Variants in SNTG2 observed in about 807,000 individuals in gnomAD.
SNTG2 encodes the protein gamma-2-syntrophin.
A neutral mutation model predicts 70.9 loss-of-function variants in SNTG2; 74 were observed. That is an observed-to-expected ratio of 1.04 (90% CI 0.86 to 1.27). SNTG2 has a LOEUF of 1.27. SNTG2 is among the 50% of genes most tolerant of loss of function. SNTG2 has a pLI of 0.00. For synonymous variants in SNTG2, 278 were observed against 273.8 expected, an observed-to-expected ratio of 1.02 and a Z score of -0.15; for missense variants, 717 against 690.7, an observed-to-expected ratio of 1.04 and a Z score of -0.43.
At chr2:1,153,649 C>A (rs974644888) in intron 6 of SNTG2, among the ~76,000 whole-genome samples, 6 of 152,144 alleles carry the variant, frequency 3.9e-5, no homozygotes, top group Non-Finnish European at 8.8e-5. Context: ...TATTCCCTGG[C>A]AATAACTTGT....
At chr2:1,349,610 G>A (rs140735617) in intron 16 of SNTG2, among the ~76,000 whole-genome samples, 2 of 152,210 alleles carry the variant, frequency 1.3e-5, no homozygotes, top group Non-Finnish European at 2.9e-5. Context: ...CATGAACAAG[G>A]CCATCAGCTT....
chr2:964,026 G>A (rs750272824), intron 1 of SNTG2, among the ~76,000 whole-genome samples: 2 of 152,084 alleles, frequency 1.3e-5, no homozygotes, highest in African/African-American at 2.4e-5. Context: ...AGCGATCCAC[G>A]CAGTCACAGT....
intron 12 of SNTG2, among the ~76,000 whole-genome samples, chr2:1,251,939 G>A (rs1222676718): frequency 1.3e-5 from 2 of 152,228 alleles, no homozygotes; most frequent in African/African-American, 2.4e-5. Context: ...ACTGTGGGAT[G>A]TACTCATTGG....
At chr2:1,218,242 A>G (rs1227776982) in intron 9 of SNTG2, among the ~76,000 whole-genome samples, 1 of 152,208 alleles carries the variant, frequency 6.6e-6, no homozygotes, top group Non-Finnish European at 1.5e-5. Flanking sequence ...GTACCCCTGC[A>G]TAAATCTCCC....
chr2:1,180,984 A>G (rs553921237), intron 8 of SNTG2, among the ~76,000 whole-genome samples: 207 of 152,168 alleles, frequency 1.4e-3, no homozygotes, highest in African/African-American at 3.5e-3. Flanking sequence ...AGCAAACACC[A>G]CATATTCTCA....
At chr2:1,177,272 T>C (rs1402744766) in intron 8 of SNTG2, among the ~76,000 whole-genome samples, 3 of 151,986 alleles carry the variant, frequency 2.0e-5, no homozygotes, top group Admixed American at 1.3e-4. Context: ...AAGTGGGAAC[T>C]GAACTATGAG....
chr2:1,298,545 C>A (rs1360311246), intron 14 of SNTG2, among the ~76,000 whole-genome samples: 1 of 152,164 alleles, frequency 6.6e-6, no homozygotes, highest in Non-Finnish European at 1.5e-5. Flanking sequence ...GAGACCCTGT[C>A]CTCCCCCGGT....
intron 8 of SNTG2, among the ~76,000 whole-genome samples, chr2:1,202,465 G>GA (rs35754815): frequency 0.21 from 31,909 of 149,728 alleles, 4,028 homozygotes; most frequent in African/African-American, 0.37. Flanking sequence ...AGAGGATCGT[G>GA]AAAAAAAAAT....
At chr2:1,153,548 G>A (rs992535209) in intron 6 of SNTG2, among the ~76,000 whole-genome samples, 2 of 152,144 alleles carry the variant, frequency 1.3e-5, no homozygotes, top group East Asian at 1.9e-4. Flanking sequence ...TCATGCCCAG[G>A]GATGGTGATT....
chr2:1,321,421 C>T (rs748796521), intron 16 of SNTG2, among the ~76,000 whole-genome samples: 2 of 152,090 alleles, frequency 1.3e-5, no homozygotes, highest in Non-Finnish European at 2.9e-5. Context: ...GCCGAGTGTG[C>T]CAGCCGCAGA....
chr2:1,218,573 A>G (rs2148016353), intron 9 of SNTG2, among the ~76,000 whole-genome samples: 1 of 152,362 alleles, frequency 6.6e-6, no homozygotes, highest in South Asian at 2.1e-4. Context: ...TGTGTTTCAG[A>G]AAATAGAGAG....
At chr2:1,176,501 G>A (rs1671485694) in intron 8 of SNTG2, among the ~76,000 whole-genome samples, 1 of 143,316 alleles carries the variant, frequency 7.0e-6, no homozygotes, top group African/African-American at 2.5e-5. Flanking sequence ...GTTGACAAAT[G>A]GGATCTAATT....
At chr2:1,040,357 G>A (rs2148055406) in intron 1 of SNTG2, among the ~76,000 whole-genome samples, 1 of 152,200 alleles carries the variant, frequency 6.6e-6, no homozygotes, top group Admixed American at 6.5e-5. Context: ...CCTCCCTATA[G>A]CCTAAACCTC....
chr2:1,160,691 G>T (rs28689776), intron 6 of SNTG2: 150,490 of 152,350 alleles, frequency 0.99, 74,352 homozygotes, highest in Middle Eastern at 1. Flanking sequence ...TAGGGTGAGA[G>T]GAGGTGATGA....
At position 1,042,142 on chromosome 2, in the gene SNTG2, G is replaced by A. The variant is rs534123053; in HGVS notation, c.73-41376G>A. ...ATTATGAATGCATATTAGAACTAAC[G>A]ACAGATACCAAATTTTCTTTTTTAA... On this transcript the variant is annotated intron_variant, in intron 1 of 16. Transcript: ENST00000308624. Among the ~76,000 whole-genome samples the A allele has an allele frequency of 7.2e-5, 11 of 152,272 alleles. No individual in the cohort carries two copies. The South Asian group carries it at 1.0e-3, about 14-fold the overall frequency.
chr2:1,184,645 C>T (rs1672134055), intron 8 of SNTG2, among the ~76,000 whole-genome samples: 1 of 152,132 alleles, frequency 6.6e-6, no homozygotes, highest in African/African-American at 2.4e-5. Flanking sequence ...GGAGGTGCTA[C>T]ACAGTTTTAA....
intron 4 of SNTG2, among the ~76,000 whole-genome samples, chr2:1,120,579 G>C (rs1026891466): frequency 7.2e-5 from 11 of 152,070 alleles, no homozygotes; most frequent in Admixed American, 2.0e-4. Context: ...CATGCAAATG[G>C]TAGCCAAAAG....
intron 4 of SNTG2, among the ~76,000 whole-genome samples, chr2:1,118,753 A>G (rs1055648616): frequency 6.6e-6 from 1 of 152,190 alleles, no homozygotes; most frequent in Non-Finnish European, 1.5e-5. Flanking sequence ...TAGTGAAGAA[A>G]GCCTGTGGCA....
chr2:1,359,182 A>T (rs1028931536), intron 16 of SNTG2, among the ~76,000 whole-genome samples: 3 of 152,138 alleles, frequency 2.0e-5, no homozygotes, highest in Non-Finnish European at 4.4e-5. Context: ...GAAGATAATT[A>T]TATATAGTAT....
Sources: gnomAD v4.1 joint callset for allele counts (sites outside exome capture counted in the v4.1 genomes callset) on GRCh38, gnomAD v4.1.1 for gene constraint, MANE v1.5 for transcripts, NCBI Gene and HGNC (gene_info 2026-07-23, HGNC 2026-07-21) for gene names.